MRNIP: variants seen among roughly 807,000 people sequenced by gnomAD.
The protein encoded by MRNIP is MRN complex-interacting protein.
In MRNIP, 30 loss-of-function variants were observed where a neutral mutation model predicts 29.8. That is an observed-to-expected ratio of 1.01 (90% CI 0.75 to 1.36). MRNIP has a LOEUF of 1.36. Ranked by LOEUF, MRNIP falls within the 40% of genes most tolerant of loss-of-function variation. The probability of loss-of-function intolerance (pLI) is 0.00; values close to 1 mark genes in which losing one functional copy is unlikely to be tolerated. For missense variants in MRNIP, 459 were observed against 423.5 expected (o/e 1.08, Z -0.74); for synonymous variants, 201 against 164.1 (o/e 1.23, Z -1.72).
At position 179,837,287 on chromosome 5, in the gene MRNIP, A is replaced by T; in HGVS notation, c.*104T>A. On this transcript the variant is annotated 3_prime_UTR_variant, in exon 7 of 7. Transcript: ENST00000292586. ...TGCATAGAGAGAAATGATTGACAGT[A>T]AGTTTATTGTTAATGGTTCTTACAG... is the stretch of plus-strand genomic sequence containing the variant. 1 of 1,607,760 alleles carries T rather than the reference A, an allele frequency of 6.2e-7. No individual in the cohort carries two copies. The highest frequency in any genetic ancestry group is 8.5e-7 in the Non-Finnish European group (1 of 1,178,206).
At chr5:179,844,586 CCTTT>C (rs907685935) in intron 3 of MRNIP, among the ~76,000 whole-genome samples, 4 of 152,006 alleles carry the variant, frequency 2.6e-5, no homozygotes, top group Admixed American at 2.6e-4. Context: ...CTACGCCTGC[CCTTT>C]TTTTTTCTTC....
chr5:179,850,281 G>A (rs938731519), intron 2 of MRNIP, among the ~76,000 whole-genome samples: 1 of 152,250 alleles, frequency 6.6e-6, no homozygotes, highest in Non-Finnish European at 1.5e-5. Context: ...TCCTGCTATG[G>A]CACAGGCAGA....
intron 1 of MRNIP, among the ~76,000 whole-genome samples, chr5:179,853,915 T>C (rs973693388): frequency 4.6e-5 from 7 of 152,122 alleles, no homozygotes; most frequent in Admixed American, 2.0e-4. Flanking sequence ...TTTCACCATG[T>C]TGACCAGGCT....
intron 5 of MRNIP, 49 bp from the exon 6 acceptor site, chr5:179,841,008 C>T (rs779132342): frequency 2.9e-5 from 39 of 1,345,420 alleles, no homozygotes; most frequent in Non-Finnish European, 3.8e-5. Flanking sequence ...CCAGTGGCAC[C>T]CCGAGCCTGA....
intron 4 of MRNIP, among the ~76,000 whole-genome samples, chr5:179,843,074 G>A (rs1758980236): frequency 7.2e-6 from 1 of 139,292 alleles, no homozygotes; most frequent in Admixed American, 7.3e-5. Flanking sequence ...AGGGAGGGAG[G>A]GAGGGAGGCA....
intron 6 of MRNIP, 38 bp downstream of exon 6, chr5:179,840,834 T>C (rs1758848751): frequency 3.7e-6 from 5 of 1,352,730 alleles, no homozygotes; most frequent in Admixed American, 1.8e-5. Context: ...ACACGCTCAG[T>C]GGTCACTGGG....
At position 179,842,081 on chromosome 5, in the gene MRNIP, A is replaced by G; in HGVS notation, c.292-17T>C. ...CGATTTTTCCTGCCAGATTGAGAAA[A>G]AAGTTGATTCTCAGTACTGGAAACC... On this transcript the variant is annotated splice_polypyrimidine_tract_variant and intron_variant, in intron 4 of 6. Coordinates refer to ENST00000292586, the MANE Select transcript of MRNIP (RefSeq NM_016175.4). 6.2e-7 allele frequency: 1 copy of G among 1,612,668 alleles called. No individual in the cohort carries two copies. Among genetic ancestry groups the G allele is most frequent in the Non-Finnish European group, 8.5e-7 (1 of 1,179,558 alleles).
intron 3 of MRNIP, chr5:179,847,475 ACTTT>A (rs1759185759): frequency 6.5e-6 from 1 of 154,178 alleles, no homozygotes; most frequent in African/African-American, 2.4e-5. Flanking sequence ...GCCGAGAGTT[ACTTT>A]CTTGTCAGCT....
At chr5:179,845,886 G>C (rs1289343004) in intron 3 of MRNIP, 1 of 152,214 alleles carries the variant, frequency 6.6e-6, no homozygotes, top group Non-Finnish European at 1.5e-5. Context: ...CACCAGGGTT[G>C]GTTAGCTGAT....
intron 4 of MRNIP, among the ~76,000 whole-genome samples, chr5:179,842,699 CAAAAAAAAAAAAAAAAAA>C (rs58952171): frequency 1.4e-4 from 4 of 28,998 alleles, no homozygotes; most frequent in East Asian, 1.2e-3. Flanking sequence ...GACTCCGTCT[CAAAAAAAAAAAAAAAAAA>C]AAAAAAAAAA....
At position 179,840,681 on chromosome 5, in the gene MRNIP, C is replaced by T. The variant is rs1261852428; in HGVS notation, c.537+191G>A. 4.9e-6 allele frequency: 3 copies of T among 609,164 alleles called. No homozygotes were observed. In the Admixed American group the frequency reaches 8.2e-5, roughly 17 times the overall value. The allele number at this position is 609,164 out of a possible 1,614,324, so 37.7% of individuals were successfully genotyped here. A position where few individuals can be genotyped will look rare whatever the true frequency, so the allele number is the denominator to read the frequency against. On this transcript the variant is annotated intron_variant, in intron 6 of 6. Transcript: ENST00000292586. ...AGTTACCCTCATGGGAGACGAGAGG[C>T]ATGGGAGGGAAAAGGGGGTACAGAC...
chr5:179,842,699 C>CAAA (rs58952171), intron 4 of MRNIP, among the ~76,000 whole-genome samples: 430 of 28,976 alleles, frequency 0.015, 37 homozygotes, highest in African/African-American at 0.022. Context: ...GACTCCGTCT[C>CAAA]AAAAAAAAAA....
At chr5:179,852,478 A>C (rs1389770605) in intron 2 of MRNIP, among the ~76,000 whole-genome samples, 1 of 152,172 alleles carries the variant, frequency 6.6e-6, no homozygotes, top group Non-Finnish European at 1.5e-5. Flanking sequence ...CACTCCACAA[A>C]CACCGAGCAC....
At chr5:179,840,008 A>G (rs1252483250) in intron 6 of MRNIP, 2 of 152,166 alleles carry the variant, frequency 1.3e-5, no homozygotes, top group Non-Finnish European at 2.9e-5. Flanking sequence ...GCAGTGATGC[A>G]ATCTCAGCTC....
intron 2 of MRNIP, 74 bp downstream of exon 2, chr5:179,853,304 T>C: frequency 6.3e-7 from 1 of 1,596,498 alleles, no homozygotes; most frequent in South Asian, 1.1e-5. Flanking sequence ...ATCCCAGCTG[T>C]GGCATGCTGG....
Position 179,858,498 on chromosome 5 carries a change from A to G in MRNIP, c.66+233T>C, listed in dbSNP as rs142815859. Among the ~76,000 whole-genome samples, 407 of 152,318 alleles carry G rather than the reference A, an allele frequency of 2.7e-3. 1 individual carries two copies. Among genetic ancestry groups the G allele is most frequent in the African/African-American group, 9.0e-3 (375 of 41,578 alleles). Reference sequence around the variant, plus strand: ...CCGGATTCTCCCACTACCTGCTACAATTCACAAGAGGCCACCTCCGCAGAA... The same window carrying G: ...CCGGATTCTCCCACTACCTGCTACAGTTCACAAGAGGCCACCTCCGCAGAA... On this transcript the variant is annotated intron_variant, in intron 1 of 6. Transcript: ENST00000292586.
intron 3 of MRNIP, 137 bp from the exon 4 acceptor site, chr5:179,844,364 C>T (rs248255): frequency 0.059 from 39,739 of 669,898 alleles, 1,408 homozygotes; most frequent in Middle Eastern, 0.12. Context: ...ACAAGTCTGA[C>T]GAACACGGTG....
At chr5:179,843,049 G>GGAAA (rs1439002212) in intron 4 of MRNIP, among the ~76,000 whole-genome samples, 5 of 108,888 alleles carry the variant, frequency 4.6e-5, no homozygotes, top group African/African-American at 1.1e-4. Flanking sequence ...AAAGAAGGAA[G>GGAAA]GAAGGAAGGA....
At chr5:179,842,949 C>T (rs1758958250) in intron 4 of MRNIP, among the ~76,000 whole-genome samples, 1 of 151,066 alleles carries the variant, frequency 6.6e-6, no homozygotes, top group Non-Finnish European at 1.5e-5. Context: ...AGGAGAATTG[C>T]TTGAACTCAG....
Sources: allele counts gnomAD v4.1 joint callset (sites outside exome capture counted in the v4.1 genomes callset), GRCh38; gene constraint gnomAD v4.1.1; transcripts MANE v1.5; gene names NCBI Gene and HGNC (gene_info 2026-07-23, HGNC 2026-07-21).